Variants in ASIC2 observed in about 807,000 individuals in gnomAD.
The protein encoded by ASIC2 is acid-sensing ion channel 2.
Under a neutral mutation model 57.3 loss-of-function variants are expected in ASIC2, and 25 were observed. The observed-to-expected ratio is 0.44, with a 90% CI of 0.32 to 0.61. ASIC2 has a LOEUF of 0.61. Among genes scored for constraint, ASIC2 ranks in the 20% least tolerant of loss-of-function variants. The pLI, the probability that ASIC2 is intolerant of heterozygous loss-of-function variation, is 0.06. For missense variants in ASIC2, 641 were observed against 738.1 expected (o/e 0.87, Z 1.52); for synonymous variants, 319 against 307.5 (o/e 1.04, Z -0.39).
chr17:33,951,212 T>G (rs908584302), intron 1 of ASIC2, among the ~76,000 whole-genome samples: 1 of 152,164 alleles, frequency 6.6e-6, no homozygotes, highest in Non-Finnish European at 1.5e-5. Context: ...ACATAGTAAA[T>G]GATTTACAAA....
At chr17:33,214,199 C>T (rs1907386870) in intron 1 of ASIC2, among the ~76,000 whole-genome samples, 2 of 152,282 alleles carry the variant, frequency 1.3e-5, no homozygotes, top group South Asian at 4.2e-4. Context: ...GCTCTGGGAA[C>T]CCAGCAATAA....
At chr17:33,173,268 G>A (rs1415722873) in intron 1 of ASIC2, among the ~76,000 whole-genome samples, 1 of 152,136 alleles carries the variant, frequency 6.6e-6, no homozygotes, top group African/African-American at 2.4e-5. Context: ...CCCCTGAGAG[G>A]GAGATAGTCA....
chr17:33,063,715 C>G (rs111561102), intron 3 of ASIC2, among the ~76,000 whole-genome samples: 2,393 of 152,274 alleles, frequency 0.016, 51 homozygotes, highest in African/African-American at 0.053. Flanking sequence ...GCCTGCCTTG[C>G]TAGGTTGGGG....
chr17:33,510,879 C>T (rs1044242024), intron 1 of ASIC2, among the ~76,000 whole-genome samples: 1 of 152,146 alleles, frequency 6.6e-6, no homozygotes, highest in African/African-American at 2.4e-5. Flanking sequence ...ATGAACATGT[C>T]ACCCTGCTCT....
At chr17:33,859,448 C>A (rs1884814732) in intron 1 of ASIC2, among the ~76,000 whole-genome samples, 1 of 152,138 alleles carries the variant, frequency 6.6e-6, no homozygotes, top group Non-Finnish European at 1.5e-5. Flanking sequence ...TATTACCGTC[C>A]ATCTGTTACA....
At chr17:33,042,507 C>A (rs545382837) in intron 3 of ASIC2, among the ~76,000 whole-genome samples, 1 of 152,280 alleles carries the variant, frequency 6.6e-6, no homozygotes, top group Non-Finnish European at 1.5e-5. Context: ...ATTTGTTGAA[C>A]CTTTACTATG....
chr17:33,084,582 A>C (rs1355914943), intron 3 of ASIC2, among the ~76,000 whole-genome samples: 1 of 152,262 alleles, frequency 6.6e-6, no homozygotes, highest in African/African-American at 2.4e-5. Flanking sequence ...TGTCATCTGC[A>C]AAGTGGAGAT....
At chr17:33,021,829 G>A (rs1243543880) in intron 6 of ASIC2, among the ~76,000 whole-genome samples, 3 of 152,242 alleles carry the variant, frequency 2.0e-5, no homozygotes, top group African/African-American at 7.2e-5. Context: ...AGTTTGTAGG[G>A]AGCAAACTTA....
intron 1 of ASIC2, among the ~76,000 whole-genome samples, chr17:33,147,250 G>A (rs1251121040): frequency 6.6e-6 from 1 of 152,158 alleles, no homozygotes; most frequent in Non-Finnish European, 1.5e-5. Context: ...GACTTAAAAA[G>A]TAAATAAGAG....
At chr17:33,282,469 G>GTGTGTGTA (rs1904991620) in intron 1 of ASIC2, among the ~76,000 whole-genome samples, 2 of 85,036 alleles carry the variant, frequency 2.4e-5, no homozygotes, top group African/African-American at 8.8e-5. Flanking sequence ...GTGTGTGTGT[G>GTGTGTGTA]TGTGTGCTTG....
At chr17:33,126,970 C>G (rs945832285) in intron 1 of ASIC2, among the ~76,000 whole-genome samples, 17 of 146,860 alleles carry the variant, frequency 1.2e-4, no homozygotes, top group African/African-American at 4.3e-4. Context: ...CGGGTTCACG[C>G]CATTCTCCTG....
intron 1 of ASIC2, among the ~76,000 whole-genome samples, chr17:33,875,136 T>C (rs1254854685): frequency 6.6e-6 from 1 of 151,894 alleles, no homozygotes; most frequent in East Asian, 1.9e-4. Flanking sequence ...CTGTGGGGAG[T>C]TGATGATTTC....
At chr17:33,038,211 T>C (rs957227901) in intron 3 of ASIC2, among the ~76,000 whole-genome samples, 1 of 152,226 alleles carries the variant, frequency 6.6e-6, no homozygotes, top group Admixed American at 6.5e-5. Context: ...GACTTAGTTC[T>C]CATCACCTTC....
intron 1 of ASIC2, among the ~76,000 whole-genome samples, chr17:33,986,040 C>T (rs1905807035): frequency 6.6e-6 from 1 of 152,194 alleles, no homozygotes; most frequent in Non-Finnish European, 1.5e-5. Flanking sequence ...TAACCCACAC[C>T]TCTTGCCCCT....
chr17:33,350,441 AG>A (rs1908117700), intron 1 of ASIC2, among the ~76,000 whole-genome samples: 1 of 152,106 alleles, frequency 6.6e-6, no homozygotes, highest in Non-Finnish European at 1.5e-5. Context: ...GCACTTTAGG[AG>A]GCTGAGGTGG....
chr17:34,077,788 C>G (rs1206779146), intron 1 of ASIC2, among the ~76,000 whole-genome samples: 1 of 152,056 alleles, frequency 6.6e-6, no homozygotes, highest in Non-Finnish European at 1.5e-5. Context: ...AGCTAAGTGC[C>G]CAGAGAGAGT....
At chr17:33,215,879 T>G (rs959251248) in intron 1 of ASIC2, among the ~76,000 whole-genome samples, 9 of 152,172 alleles carry the variant, frequency 5.9e-5, no homozygotes, top group African/African-American at 1.9e-4. Flanking sequence ...TTTTGTATTT[T>G]TAGTAGAGAC....
At chr17:33,478,116 G>A (rs751144581) in intron 1 of ASIC2, among the ~76,000 whole-genome samples, 15 of 152,216 alleles carry the variant, frequency 9.9e-5, no homozygotes, top group South Asian at 4.1e-4. Flanking sequence ...AGGGCTCAGA[G>A]TCAGGCATGG....
At chr17:33,496,829 G>A (rs961067914) in intron 1 of ASIC2, among the ~76,000 whole-genome samples, 1 of 151,988 alleles carries the variant, frequency 6.6e-6, no homozygotes, top group Non-Finnish European at 1.5e-5. Context: ...TGTTGGCCAG[G>A]CTGGTCTCAA....
Sources: allele counts gnomAD v4.1 joint callset (sites outside exome capture counted in the v4.1 genomes callset), GRCh38; gene constraint gnomAD v4.1.1; transcripts MANE v1.5; gene names NCBI Gene and HGNC (gene_info 2026-07-23, HGNC 2026-07-21).